Variants in ENTPD1 observed in about 807,000 individuals in gnomAD.
The protein encoded by ENTPD1 is ATP diphosphohydrolase.
ENTPD1 carries 33 observed loss-of-function variants against 57.0 expected under a neutral mutation model. The ratio of observed to expected loss-of-function variants is 0.58; its 90% CI spans 0.44 to 0.77. The LOEUF (loss-of-function observed/expected upper bound fraction) is 0.77. Among genes scored for constraint, ENTPD1 ranks in the 30% least tolerant of loss-of-function variants. The probability of loss-of-function intolerance (pLI) is 0.00; values close to 1 mark genes in which losing one functional copy is unlikely to be tolerated. For missense variants in ENTPD1, 501 were observed against 603.4 expected (o/e 0.83, Z 1.78); for synonymous variants, 202 against 218.8 (o/e 0.92, Z 0.68).
chr10:95,707,186 C>T (rs1283234221), upstream of ENTPD1, among the ~76,000 whole-genome samples: 3 of 152,140 alleles, frequency 2.0e-5, no homozygotes, highest in African/African-American at 7.2e-5. Flanking sequence ...GGGGCTGCAG[C>T]TGCACCCGGG....
chr10:95,869,316 C>G lies in ENTPD1; in HGVS notation c.*2933C>G. 1.1e-6 allele frequency: 1 copy of G among 892,690 alleles called. No homozygotes were observed. Among genetic ancestry groups the G allele is most frequent in the Non-Finnish European group, 1.3e-6 (1 of 761,780 alleles). The allele number at this position is 892,690 out of a possible 1,614,324, so 55.3% of individuals were successfully genotyped here. ...CCAGGCTGGAGTGCAGTGGTGCTAT[C>G]TCGGCTCACTGCAACCTCCGCCTCC... is the stretch of plus-strand genomic sequence containing the variant. On this transcript the variant is annotated 3_prime_UTR_variant, in exon 10 of 10. Transcript: ENST00000371205.
intron 1 of ENTPD1, among the ~76,000 whole-genome samples, chr10:95,794,549 G>T (rs988366342): frequency 2.0e-5 from 3 of 152,184 alleles, no homozygotes; most frequent in African/African-American, 7.2e-5. Context: ...GGACCCCAGA[G>T]TTGGCATTTT....
intron 1 of ENTPD1, among the ~76,000 whole-genome samples, chr10:95,773,205 T>A (rs2098121514): frequency 6.6e-6 from 1 of 152,060 alleles, no homozygotes; most frequent in Non-Finnish European, 1.5e-5. Context: ...ACCAAACACC[T>A]CCCATTTGGC....
Position 95,810,529 on chromosome 10 carries a change from C to A in ENTPD1, c.17-12708C>A, listed in dbSNP as rs144444245. Among the ~76,000 whole-genome samples, 6 of 150,998 alleles carry A rather than the reference C, an allele frequency of 4.0e-5. No individual in the cohort carries two copies. The East Asian group carries it at 1.2e-3, about 29-fold the overall frequency. On this transcript the variant is annotated intron_variant, in intron 1 of 9. Coordinates refer to ENST00000371205, the MANE Select transcript of ENTPD1 (RefSeq NM_001776.6). ...CTCACATCCCAGATGGGGTGGTGGC[C>A]GGGCAGAGGCGCTCCTCACTTCCCA... is the stretch of plus-strand genomic sequence containing the variant.
intron 1 of ENTPD1, chr10:95,712,016 G>T: frequency 6.2e-7 from 1 of 1,613,814 alleles, no homozygotes; most frequent in Non-Finnish European, 8.5e-7. Context: ...TACCAGTCAG[G>T]CTCCCGGCCT....
the ENTPD1 span, among the ~76,000 whole-genome samples, chr10:95,702,042 G>T: frequency 6.6e-6 from 1 of 151,292 alleles, no homozygotes; most frequent in East Asian, 1.9e-4. Context: ...ATAAAGAAGA[G>T]AATTCATAAA....
chr10:95,787,459 G>A (rs903292257), intron 1 of ENTPD1, among the ~76,000 whole-genome samples: 1 of 152,164 alleles, frequency 6.6e-6, no homozygotes, highest in Admixed American at 6.5e-5. Context: ...GTTAAAGATA[G>A]TATTTGGCTG....
chr10:95,781,833 T>A (rs1378904270), intron 1 of ENTPD1, among the ~76,000 whole-genome samples: 1 of 152,122 alleles, frequency 6.6e-6, no homozygotes, highest in East Asian at 1.9e-4. Context: ...AGGCATGGGA[T>A]TGATGGTGGG....
chr10:95,830,316 A>G (rs554494360), intron 2 of ENTPD1, among the ~76,000 whole-genome samples: 76 of 152,088 alleles, frequency 5.0e-4, no homozygotes, highest in Non-Finnish European at 8.7e-4. Context: ...CAGGAAGGAG[A>G]GGTGGAAGAG....
intron 3 of ENTPD1, among the ~76,000 whole-genome samples, chr10:95,841,398 T>C (rs2098422399): frequency 6.7e-6 from 1 of 148,762 alleles, no homozygotes; most frequent in Admixed American, 6.7e-5. Flanking sequence ...AAAAAAAAAA[T>C]CTAGCAGATG....
intron 9 of ENTPD1, 131 bp downstream of exon 9, chr10:95,864,992 C>T (rs1034307686): frequency 1.8e-6 from 2 of 1,110,164 alleles, no homozygotes; most frequent in African/African-American, 3.1e-5. Flanking sequence ...TGCCATTCTG[C>T]TTCAAACCCT....
chr10:95,797,452 G>A (rs2098231137), intron 1 of ENTPD1, among the ~76,000 whole-genome samples: 1 of 152,114 alleles, frequency 6.6e-6, no homozygotes, highest in African/African-American at 2.4e-5. Flanking sequence ...CATTGTGTTA[G>A]TCTGTTTGCA....
rs1825398523 is a variant in ENTPD1 at position 95,831,999 on chromosome 10, C to T, written c.145-7692C>T. ...AAATTTATTATACCCTTGTTTTGAA[C>T]TTATAGTATAATGAGGGAGATAATC... On this transcript the variant is annotated intron_variant, in intron 2 of 9. Transcript: ENST00000371205. Among the ~76,000 whole-genome samples, 3 of 152,154 alleles carry T rather than the reference C, an allele frequency of 2.0e-5. No individual in the cohort carries two copies. The South Asian group carries it at 6.2e-4, about 32-fold the overall frequency.
intron 1 of ENTPD1, among the ~76,000 whole-genome samples, chr10:95,773,071 C>T (rs753478850): frequency 6.6e-6 from 1 of 151,674 alleles, no homozygotes; most frequent in Non-Finnish European, 1.5e-5. Context: ...GGAGAGGAAG[C>T]AAAGTATAGA....
the ENTPD1 span, among the ~76,000 whole-genome samples, chr10:95,704,354 G>A: frequency 0.037 from 5,633 of 152,076 alleles, 130 homozygotes; most frequent in Non-Finnish European, 0.049. Context: ...AGAAGAACAA[G>A]GCTAGAAGGC....
chr10:95,734,581 A>G (rs2097992568), intron 1 of ENTPD1, among the ~76,000 whole-genome samples: 1 of 152,234 alleles, frequency 6.6e-6, no homozygotes, highest in Non-Finnish European at 1.5e-5. Flanking sequence ...AGGGGGAAGG[A>G]ATGATTTTCT....
intron 1 of ENTPD1, among the ~76,000 whole-genome samples, chr10:95,805,906 C>T (rs1226525852): frequency 1.3e-5 from 2 of 152,224 alleles, no homozygotes; most frequent in East Asian, 1.9e-4. Context: ...CGAACTTTCT[C>T]TCTGGCTGCC....
At chr10:95,731,545 G>A (rs893353312) in intron 1 of ENTPD1, among the ~76,000 whole-genome samples, 1 of 152,142 alleles carries the variant, frequency 6.6e-6, no homozygotes, top group African/African-American at 2.4e-5. Flanking sequence ...GCACAGGACC[G>A]GCCAGAGGTT....
chr10:95,851,715 T>G (rs1296347456), intron 7 of ENTPD1, among the ~76,000 whole-genome samples: 2 of 152,046 alleles, frequency 1.3e-5, no homozygotes, highest in African/African-American at 2.4e-5. Context: ...TTGCTGAGAA[T>G]GATGGTTTCC....
Sources: allele counts gnomAD v4.1 joint callset (sites outside exome capture counted in the v4.1 genomes callset), GRCh38; gene constraint gnomAD v4.1.1; transcripts MANE v1.5; gene names NCBI Gene and HGNC (gene_info 2026-07-23, HGNC 2026-07-21).